Variants in UGT1A10 observed in about 807,000 individuals in gnomAD.
UGT1A10 encodes UDP glucuronosyltransferase family 1 member A10, also known as UDP-glucuronosyltransferase 1A10.
In UGT1A10, 49 loss-of-function variants were observed where a neutral mutation model predicts 45.8. The ratio of observed to expected loss-of-function variants is 1.07; its 90% CI spans 0.85 to 1.36. UGT1A10 has a LOEUF of 1.36. Among genes scored for constraint, UGT1A10 ranks in the 40% most tolerant of loss-of-function variants. The pLI is 0.00. For missense variants in UGT1A10, 745 were observed against 668.6 expected, an observed-to-expected ratio of 1.11 and a Z score of -1.26; for synonymous variants, 284 against 249.7, an observed-to-expected ratio of 1.14 and a Z score of -1.29.
intron 1 of UGT1A10, among the ~76,000 whole-genome samples, chr2:233,730,257 A>C (rs1190299662): frequency 6.6e-6 from 1 of 152,082 alleles, no homozygotes; most frequent in Non-Finnish European, 1.5e-5. Flanking sequence ...ACTCATAGAG[A>C]CTGTTGGTTT....
intron 1 of UGT1A10, among the ~76,000 whole-genome samples, chr2:233,717,439 G>A (rs542098595): frequency 2.9e-4 from 44 of 152,272 alleles, no homozygotes; most frequent in Non-Finnish European, 5.4e-4. Flanking sequence ...TCTGATGGAC[G>A]CATCCATTCA....
At position 233,638,796 on chromosome 2, in the gene UGT1A10, T is replaced by C. The variant is rs28969687; in HGVS notation, c.855+1419T>C. Among the ~76,000 whole-genome samples, 479 of 152,332 alleles carry C rather than the reference T, an allele frequency of 3.1e-3. 3 individuals are homozygous for C. The highest frequency in any genetic ancestry group is 0.011 in the African/African-American group (454 of 41,574). On this transcript the variant is annotated intron_variant, in intron 1 of 4. Coordinates refer to ENST00000344644, the MANE Select transcript of UGT1A10 (RefSeq NM_019075.4). Reference sequence around the variant, plus strand: ...AAAGAGTGACCGTTCAGCCATCTCATAGGAAAGTGAAATAATGCTCTTTCT... The same window carrying C: ...AAAGAGTGACCGTTCAGCCATCTCACAGGAAAGTGAAATAATGCTCTTTCT...
Position 233,747,423 on chromosome 2 carries a change from C to G in UGT1A10, c.856-19611C>G, listed in dbSNP as rs561242685. On this transcript the variant is annotated intron_variant, in intron 1 of 4. Transcript: ENST00000344644. ...CCCAGAGGTGAATATGCACATCAAACAAGAGAAATTTTTCACCCTGACAAC... is the reference window on the plus strand; with the variant it reads ...CCCAGAGGTGAATATGCACATCAAAGAAGAGAAATTTTTCACCCTGACAAC... 6.8e-5 allele frequency: 110 copies of G among 1,608,258 alleles called. 1 individual carries two copies. The highest frequency in any genetic ancestry group is 8.9e-5 in the East Asian group (4 of 44,854).
chr2:233,668,924 C>G (rs1406850907), intron 1 of UGT1A10, among the ~76,000 whole-genome samples: 1 of 152,200 alleles, frequency 6.6e-6, no homozygotes, highest in Admixed American at 6.5e-5. Flanking sequence ...GTTTTGATTA[C>G]TTTGTCAGTT....
chr2:233,768,757 A>AT (rs2126041506), intron 4 of UGT1A10, among the ~76,000 whole-genome samples: 1 of 151,338 alleles, frequency 6.6e-6, no homozygotes, highest in African/African-American at 2.4e-5. Context: ...TAATTTTTGT[A>AT]TTTTTTAGTA....
chr2:233,750,414 G>GC (rs765395041), intron 1 of UGT1A10, among the ~76,000 whole-genome samples: 4 of 151,922 alleles, frequency 2.6e-5, no homozygotes, highest in Non-Finnish European at 5.9e-5. Flanking sequence ...CCATGTGGTA[G>GC]AAAAGAAAAA....
intron 1 of UGT1A10, among the ~76,000 whole-genome samples, chr2:233,705,423 T>G (rs935031731): frequency 2.0e-5 from 3 of 152,256 alleles, no homozygotes; most frequent in Non-Finnish European, 4.4e-5. Context: ...CAGAGGTGGC[T>G]CATAACTTAT....
intron 1 of UGT1A10, among the ~76,000 whole-genome samples, chr2:233,736,928 C>T (rs1427688264): frequency 1.3e-5 from 2 of 152,158 alleles, no homozygotes; most frequent in African/African-American, 4.8e-5. Context: ...CAGAGGCGCA[C>T]CCACCTATAT....
chr2:233,729,080 A>T lies in UGT1A10; in HGVS notation c.856-37954A>T, dbSNP rs1488435672. 6 of 1,612,076 alleles carry T rather than the reference A, an allele frequency of 3.7e-6. No homozygotes were observed. In the African/African-American group the frequency reaches 8.0e-5, roughly 22 times the overall value. On this transcript the variant is annotated intron_variant, in intron 1 of 4. Transcript: ENST00000344644. Reference sequence around the variant, plus strand: ...TTAAGATGAAGAAAGCAAATGTAGCAGGCACAGCGTGGGGTGGACAGTCAG... The same window carrying T: ...TTAAGATGAAGAAAGCAAATGTAGCTGGCACAGCGTGGGGTGGACAGTCAG...
In UGT1A10 at chr2:233,712,082, T is replaced by C. The variant is rs1559358101; in HGVS notation, c.856-54952T>C. Among the ~76,000 whole-genome samples the C allele has an allele frequency of 2.0e-5, 3 of 152,248 alleles. No homozygotes were observed. In the South Asian group the frequency reaches 6.2e-4, roughly 32 times the overall value. Reference sequence around the variant, plus strand: ...TAATCTTCAGGATGAAATAAAGGCCTGGATGAATGGACACTTCAGTCTCTA... The same window carrying C: ...TAATCTTCAGGATGAAATAAAGGCCCGGATGAATGGACACTTCAGTCTCTA... On this transcript the variant is annotated intron_variant, in intron 1 of 4. Coordinates refer to ENST00000344644, the MANE Select transcript of UGT1A10 (RefSeq NM_019075.4).
At chr2:233,650,930 A>G (rs1218249964) in intron 1 of UGT1A10, among the ~76,000 whole-genome samples, 1 of 152,200 alleles carries the variant, frequency 6.6e-6, no homozygotes, top group African/African-American at 2.4e-5. Flanking sequence ...AATTTTGGCT[A>G]TGTTCTGGCT....
chr2:233,700,300 T>C (rs777696767), intron 1 of UGT1A10, among the ~76,000 whole-genome samples: 9 of 152,238 alleles, frequency 5.9e-5, no homozygotes, highest in Non-Finnish European at 1.0e-4. Context: ...CTTAGGCCAA[T>C]GTCTACAATG....
At chr2:233,682,866 A>C in intron 1 of UGT1A10, 1 of 1,525,494 alleles carries the variant, frequency 6.6e-7, no homozygotes, top group South Asian at 1.3e-5. Flanking sequence ...CAGAATCATA[A>C]TTTATCATTT....
In UGT1A10 at chr2:233,760,982, C is replaced by A. The variant is rs147640261; in HGVS notation, c.856-6052C>A. Reference sequence around the variant, plus strand: ...GACGTGGTTTATTCCCCGTATGCAACCCTTGCCTCAGAATTCCTTCAGAGA... The same window carrying A: ...GACGTGGTTTATTCCCCGTATGCAAACCTTGCCTCAGAATTCCTTCAGAGA... On this transcript the variant is annotated intron_variant, in intron 1 of 4. Transcript: ENST00000344644. The A allele has an allele frequency of 1.9e-6, 3 of 1,614,220 alleles. No individual in the cohort carries two copies. The highest frequency in any genetic ancestry group is 2.7e-5 in the African/African-American group (2 of 75,052).
Position 233,637,196 on chromosome 2 carries a change from G to T in UGT1A10, c.674G>T (p.Arg225Ile), listed in dbSNP as rs1273514152. The change falls in exon 1 of 5, where the codon AGA (arginine) becomes ATA (isoleucine). Residue 225 changes from arginine (R) to isoleucine (I), a missense_variant. Arg to Ile is a moderately conservative substitution (Grantham distance 97). Coordinates refer to ENST00000344644, the MANE Select transcript of UGT1A10 (RefSeq NM_019075.4). ...EDHLFCQYLF[R>I]NALEIASEIL... is the part of the protein sequence containing the mutation. ...CATTTATTTTGCCAGTATCTTTTTA[G>T]AAATGCCCTAGAAATAGCCTCTGAA... 6.2e-7 allele frequency: 1 copy of T among 1,613,802 alleles called. No individual in the cohort carries two copies. Among genetic ancestry groups the T allele is most frequent in the Non-Finnish European group, 8.5e-7 (1 of 1,179,848 alleles).
intron 1 of UGT1A10, among the ~76,000 whole-genome samples, chr2:233,695,500 T>C (rs1423604345): frequency 2.0e-5 from 3 of 152,070 alleles, no homozygotes; most frequent in African/African-American, 4.8e-5. Context: ...ATCAAAGTTT[T>C]TGGAGTATTA....
chr2:233,648,029 A>G (rs890690867), intron 1 of UGT1A10: 3 of 1,597,654 alleles, frequency 1.9e-6, no homozygotes, highest in Non-Finnish European at 2.6e-6. Flanking sequence ...GTGAGTTGGC[A>G]ACTGGGAAGA....
intron 1 of UGT1A10, among the ~76,000 whole-genome samples, chr2:233,688,089 C>T (rs961987939): frequency 6.6e-6 from 1 of 152,206 alleles, no homozygotes; most frequent in African/African-American, 2.4e-5. Flanking sequence ...GCAGTCACTC[C>T]TTATTTCTCC....
Position 233,637,355 on chromosome 2 carries a change from A to T in UGT1A10, c.833A>T (p.His278Leu). 1 of 1,613,706 alleles carries T rather than the reference A, an allele frequency of 6.2e-7. No homozygotes were observed. The highest frequency in any genetic ancestry group is 8.5e-7 in the Non-Finnish European group (1 of 1,179,672). Residue 278 changes from histidine (H) to leucine (L), a missense_variant, in exon 1 of 5, where the codon CAT (histidine) becomes CTT (leucine). Coordinates refer to ENST00000344644, the MANE Select transcript of UGT1A10 (RefSeq NM_019075.4). ...NMIFIGGINCHQGKPLPMEFE... is the reference protein window; with the variant it reads ...NMIFIGGINCLQGKPLPMEFE... ...ATCTTCATTGGTGGTATCAACTGTC[A>T]TCAGGGAAAGCCATTGCCTATGGTA...
Sources: gnomAD v4.1 joint callset for allele counts (sites outside exome capture counted in the v4.1 genomes callset) on GRCh38, gnomAD v4.1.1 for gene constraint, MANE v1.5 for transcripts, NCBI Gene and HGNC (gene_info 2026-07-23, HGNC 2026-07-21) for gene names.